Variants in H3-7 observed in about 807,000 individuals in gnomAD.
H3-7 encodes the protein H3.7 histone (putative).
chr1:143,904,665 T>G, the H3-7 span: 8 of 1,525,492 alleles, frequency 5.2e-6, 1 homozygote, highest in Non-Finnish European at 7.2e-6. Flanking sequence ...CAAAACGGGC[T>G]GGTTATGCGC....
the H3-7 span, among the ~76,000 whole-genome samples, chr1:143,903,815 T>C: frequency 8.1e-6 from 1 of 122,966 alleles, no homozygotes; most frequent in African/African-American, 3.0e-5. Context: ...GGGTTTCTCA[T>C]CTGTATGGGA....
chr1:143,905,426 C>G, the H3-7 span: 13 of 720,740 alleles, frequency 1.8e-5, 3 homozygotes, highest in South Asian at 1.2e-4. Flanking sequence ...TCACCCACCA[C>G]GAGTGCCCCT....
the H3-7 span, among the ~76,000 whole-genome samples, chr1:143,903,836 C>T: frequency 2.3e-5 from 3 of 132,266 alleles, no homozygotes; most frequent in South Asian, 2.8e-4. Context: ...AATCTCATCT[C>T]GTTCATTACT....
the H3-7 span, chr1:143,904,544 C>T: frequency 1.4e-5 from 23 of 1,606,078 alleles, no homozygotes; most frequent in South Asian, 5.5e-5. Context: ...TCTGCACTTT[C>T]GTAACAGCCT....
the H3-7 span, chr1:143,904,327 G>A: frequency 3.2e-6 from 5 of 1,582,542 alleles, no homozygotes; most frequent in African/African-American, 1.3e-5. Flanking sequence ...TGGATCTCGC[G>A]GGACGTGATG....
chr1:143,902,388 A>T, the H3-7 span, among the ~76,000 whole-genome samples: 1 of 147,308 alleles, frequency 6.8e-6, no homozygotes, highest in Non-Finnish European at 1.5e-5. Flanking sequence ...CACGTATACC[A>T]CATTTTATAT....
the H3-7 span, chr1:143,905,724 C>A: frequency 4.4e-6 from 7 of 1,581,962 alleles, 1 homozygote; most frequent in Non-Finnish European, 6.1e-6. Context: ...AGCGCAGGTC[C>A]GTCTTAAACT....
chr1:143,904,576 C>T, the H3-7 span: 2 of 1,602,594 alleles, frequency 1.2e-6, no homozygotes, highest in Non-Finnish European at 1.7e-6. Flanking sequence ...TTCTTGGGAG[C>T]AGGAGCGGAT....
chr1:143,905,848 T>G, the H3-7 span: 1 of 1,581,600 alleles, frequency 6.3e-7, no homozygotes, highest in South Asian at 1.1e-5. Flanking sequence ...CCGGTAGCGG[T>G]GCGGCTTCTT....
chr1:143,903,308 G>A, the H3-7 span, among the ~76,000 whole-genome samples: 1 of 92,710 alleles, frequency 1.1e-5, no homozygotes, highest in African/African-American at 4.3e-5. Flanking sequence ...CCTGTAAACA[G>A]CCTATGAAGT....
At chr1:143,905,570 C>T in the H3-7 span, 10 of 1,580,620 alleles carry the variant, frequency 6.3e-6, 1 homozygote, top group Admixed American at 5.1e-5. Flanking sequence ...GCCCGCTCCC[C>T]GCGGATGCGG....
the H3-7 span, chr1:143,905,525 A>T: frequency 6.8e-7 from 1 of 1,471,380 alleles, no homozygotes; most frequent in South Asian, 1.2e-5. Context: ...CTCTGAAAAG[A>T]GCCTTTAGAT....
chr1:143,904,010 C>T, the H3-7 span, among the ~76,000 whole-genome samples: 3 of 145,354 alleles, frequency 2.1e-5, no homozygotes, highest in Admixed American at 7.0e-5. Context: ...TAAGACTAGA[C>T]GGGGATGACT....
At chr1:143,902,549 C>T in the H3-7 span, among the ~76,000 whole-genome samples, 3 of 140,376 alleles carry the variant, frequency 2.1e-5, no homozygotes, top group Non-Finnish European at 4.8e-5. Context: ...TTTCCAGTTG[C>T]ACCAAGGGTA....
chr1:143,904,684 G>T, the H3-7 span: 18 of 1,444,436 alleles, frequency 1.2e-5, 2 homozygotes, highest in Middle Eastern at 3.6e-4. Flanking sequence ...GCTACTTATA[G>T]AGCCTGTATG....
chr1:143,905,645 T>A, the H3-7 span: 1 of 1,582,888 alleles, frequency 6.3e-7, no homozygotes, highest in African/African-American at 1.3e-5. Flanking sequence ...CACAGGTTCG[T>A]GTCTTCGAAC....
the H3-7 span, among the ~76,000 whole-genome samples, chr1:143,904,922 C>A: frequency 7.3e-6 from 1 of 137,170 alleles, no homozygotes; most frequent in South Asian, 2.5e-4. Context: ...TTTTCACTTT[C>A]CATTAGACTT....
At chr1:143,904,250 C>T in the H3-7 span, 12 of 1,584,484 alleles carry the variant, frequency 7.6e-6, no homozygotes, top group Admixed American at 6.8e-5. Context: ...ACTTGGTGAC[C>T]GCCTTGGTGC....
At chr1:143,905,509 C>A in the H3-7 span, 2 of 1,331,036 alleles carry the variant, frequency 1.5e-6, no homozygotes, top group Non-Finnish European at 1.1e-6. Flanking sequence ...ATGAAAACGG[C>A]AGTGGCTCTG....
Sources: allele counts gnomAD v4.1 joint callset (sites outside exome capture counted in the v4.1 genomes callset), GRCh38; gene constraint gnomAD v4.1.1; transcripts MANE v1.5; gene names NCBI Gene and HGNC (gene_info 2026-07-23, HGNC 2026-07-21).